The following NOS1 variants were observed in gnomAD, a reference collection of about 807,000 sequenced individuals.
NOS1 encodes the protein nitric oxide synthase 1.
Under a neutral mutation model 164.5 loss-of-function variants are expected in NOS1, and 51 were observed. The observed-to-expected ratio is 0.31, with a 90% CI of 0.25 to 0.39. The LOEUF (loss-of-function observed/expected upper bound fraction) is 0.39, where lower values mean the gene tolerates loss of function less well. Among genes scored for constraint, NOS1 ranks in the 10% least tolerant of loss-of-function variants. The probability of loss-of-function intolerance (pLI) is 1.00; values close to 1 mark genes in which losing one functional copy is unlikely to be tolerated. For missense variants in NOS1, 1,362 were observed against 1,885.6 expected, an observed-to-expected ratio of 0.72 and a Z score of 5.14; for synonymous variants, 719 against 745.8, an observed-to-expected ratio of 0.96 and a Z score of 0.59.
rs754560223 is a variant in NOS1, at chr12:117,260,466, T to G, written c.2366A>C (p.Lys789Thr). The change falls in exon 14 of 29, where the codon AAG becomes ACG. Residue 789 changes from lysine (K) to threonine (T), a missense_variant and splice_region_variant. Lys to Thr is a moderately conservative substitution (Grantham distance 78). Transcript: ENST00000317775. ...CEIFKHAFDA[K>T]VMSMEEYDIV... ...GAGCTAGGGCTACCCCCCACCTACC[T>G]TGGCATCAAAGGCGTGTTTGAAGAT... The G allele has an allele frequency of 2.5e-6, 4 of 1,613,492 alleles. No homozygotes were observed. Among genetic ancestry groups the G allele is most frequent in the Non-Finnish European group, 8.5e-7 (1 of 1,179,470 alleles).
At position 117,212,132 on chromosome 12, in the gene NOS1, C is replaced by T. The variant is rs1308494133; in HGVS notation, c.*3177G>A. The T allele has an allele frequency of 5.1e-6, 5 of 985,284 alleles. No individual in the cohort carries two copies. Among genetic ancestry groups the T allele is most frequent in the South Asian group, 4.7e-5 (1 of 21,282 alleles). The allele number at this position is 985,284 out of a possible 1,614,324, so 61.0% of individuals were successfully genotyped here. The stretch of plus-strand genomic sequence containing the variant: ...GTTTTGCTTATCTCTGCAAACTGCC[C>T]GGTGCCTTCCACACACTGGAGAAGC... On this transcript the variant is annotated 3_prime_UTR_variant, in exon 29 of 29. Coordinates refer to ENST00000317775, the MANE Select transcript of NOS1 (RefSeq NM_000620.5).
intron 26 of NOS1, among the ~76,000 whole-genome samples, chr12:117,221,592 T>C (rs1271796648): frequency 6.6e-6 from 1 of 151,464 alleles, no homozygotes; most frequent in Non-Finnish European, 1.5e-5. Flanking sequence ...CCTAAATTTG[T>C]TTTTTTTAAT....
intron 1 of NOS1, among the ~76,000 whole-genome samples, chr12:117,354,875 C>T (rs1593046307): frequency 6.6e-6 from 1 of 152,160 alleles, no homozygotes; most frequent in Non-Finnish European, 1.5e-5. Context: ...ACTTCACTCT[C>T]GTTTATGACA....
At position 117,290,304 on chromosome 12, in the gene NOS1, G is replaced by T. The variant is rs368132541; in HGVS notation, c.975C>A (p.Ser325Arg). The T allele has an allele frequency of 2.5e-6, 4 of 1,613,948 alleles. No homozygotes were observed. The African/African-American group carries it at 5.3e-5, about 22-fold the overall frequency. The part of the protein sequence containing the change: ...VVLTDTLHLK[S>R]TLETGCTEYI... ...ACCCTGCTGGGATACTTACCAATGT[G>T]CTCTTAAGGTGGAGGGTGTCAGTGA... Residue 325 changes from serine to arginine, a missense_variant, in exon 4 of 29, where the codon AGC becomes AGA. Physicochemically the swap from Ser to Arg is moderately radical, Grantham distance 110. Coordinates refer to ENST00000317775, the MANE Select transcript of NOS1 (RefSeq NM_000620.5).
In NOS1 at chr12:117,272,549, A is replaced by G. The variant is rs1485623498; in HGVS notation, c.1675T>C (p.Phe559Leu). 6.2e-7 allele frequency: 1 copy of G among 1,613,686 alleles called. No homozygotes were observed. Among genetic ancestry groups the G allele is most frequent in the South Asian group, 1.1e-5 (1 of 91,038 alleles). Reference sequence around the variant, plus strand: ...TACCACTTCAGCCCCAGGTCCTTGAACCACTCAAACCTGCAGGGAGCAACA... The same window carrying G: ...TACCACTTCAGCCCCAGGTCCTTGAGCCACTCAAACCTGCAGGGAGCAACA... ...VPIRHPKFEW[F>L]KDLGLKWYGL... Residue 559 changes from phenylalanine (F) to leucine (L), a missense_variant, in exon 10 of 29, where the codon TTC becomes CTC. Around this residue, in one of 4 missense-constraint regions of NOS1, gnomAD observed 134 missense variants for 267.3 expected, o/e 0.50. Transcript: ENST00000317775. This position sits in a 1 kb window ranked among gnomAD's most constrained non-coding sequence, Gnocchi z 4.3.
chr12:117,301,344 G>A (rs994279905), intron 3 of NOS1, among the ~76,000 whole-genome samples: 4 of 152,122 alleles, frequency 2.6e-5, no homozygotes, highest in Non-Finnish European at 5.9e-5. Context: ...GGCCAGGCTG[G>A]TCTCAAATTC....
chr12:117,277,887 G>A, intron 9 of NOS1, 72 bp downstream of exon 9: 1 of 1,499,330 alleles, frequency 6.7e-7, no homozygotes, highest in Admixed American at 2.0e-5. Flanking sequence ...AGCCAGGGGG[G>A]ATGGGGCTGG....
chr12:117,339,017 C>T (rs1409878627), intron 1 of NOS1, among the ~76,000 whole-genome samples: 2 of 152,154 alleles, frequency 1.3e-5, no homozygotes, highest in African/African-American at 4.8e-5. Context: ...AACCCAACTG[C>T]GCTCTTTTAA....
intron 28 of NOS1, among the ~76,000 whole-genome samples, chr12:117,216,896 T>C (rs1042295215): frequency 6.6e-6 from 1 of 152,098 alleles, no homozygotes; most frequent in Non-Finnish European, 1.5e-5. Flanking sequence ...ACAAAGAAGA[T>C]GCCAAATTCA....
chr12:117,306,143 T>C (rs541958930), intron 3 of NOS1, among the ~76,000 whole-genome samples: 121 of 152,202 alleles, frequency 7.9e-4, no homozygotes, highest in African/African-American at 2.8e-3. Context: ...AAGGATTTGA[T>C]GGTGGGCAAA....
At chr12:117,351,996 C>G (rs780143383) in intron 1 of NOS1, among the ~76,000 whole-genome samples, 4 of 152,090 alleles carry the variant, frequency 2.6e-5, no homozygotes, top group Non-Finnish European at 5.9e-5. Flanking sequence ...CCTTGGGCAA[C>G]ATGGTGAGAC....
chr12:117,231,093 C>T (rs558107029), intron 22 of NOS1, among the ~76,000 whole-genome samples: 55 of 151,940 alleles, frequency 3.6e-4, no homozygotes, highest in African/African-American at 1.2e-3. Flanking sequence ...TTTGGGAGGC[C>T]GAGGTGGGTG....
intron 17 of NOS1, among the ~76,000 whole-genome samples, chr12:117,249,814 C>G (rs1348796390): frequency 6.6e-6 from 1 of 152,112 alleles, no homozygotes; most frequent in African/African-American, 2.4e-5. Flanking sequence ...TCCTGTAGGG[C>G]TGGTACACAG....
rs527472588 is a variant in NOS1 at position 117,279,234 on chromosome 12, G to A, written c.1525-1136C>T. Among the ~76,000 whole-genome samples the A allele has an allele frequency of 9.9e-5, 15 of 151,958 alleles. No homozygotes were observed. In the East Asian group the frequency reaches 1.7e-3, roughly 18 times the overall value. On this transcript the variant is annotated intron_variant, in intron 8 of 28. Coordinates refer to ENST00000317775, the MANE Select transcript of NOS1 (RefSeq NM_000620.5). ...TCTACTAAAATACAAAAAATTAGCCGGGCGTGGTGGTGCGCATCTGTAGTC... is the reference window on the plus strand; with the variant it reads ...TCTACTAAAATACAAAAAATTAGCCAGGCGTGGTGGTGCGCATCTGTAGTC...
At chr12:117,288,905 T>C (rs1313629015) in intron 4 of NOS1, among the ~76,000 whole-genome samples, 2 of 152,148 alleles carry the variant, frequency 1.3e-5, no homozygotes, top group African/African-American at 2.4e-5. Flanking sequence ...ACCCTGACCT[T>C]AGCTGACCCC....
rs2136025756 is a variant in NOS1 at position 117,290,421 on chromosome 12, G to A, written c.858C>T (p.Pro286=). ...NNPYSEKEQP[P]TSGKQSPTKN... ...TTGTGGGGGACTGTTTTCCTGAGGT[G>A]GGGGGCTGCAGGAGAGAATGAAGGT... Residue 286 remains proline, a synonymous_variant, in exon 4 of 29, where the codon CCC becomes CCT. Transcript: ENST00000317775. 6.2e-7 allele frequency: 1 copy of A among 1,611,710 alleles called. No individual in the cohort carries two copies. The highest frequency in any genetic ancestry group is 8.5e-7 in the Non-Finnish European group (1 of 1,178,824).
At chr12:117,290,592 G>T (rs1434727721) in intron 3 of NOS1, among the ~76,000 whole-genome samples, 166 bp from the exon 4 acceptor site, 2 of 151,946 alleles carry the variant, frequency 1.3e-5, no homozygotes, top group African/African-American at 4.8e-5. Flanking sequence ...CATGTACAAG[G>T]TTCCTGGGAA....
intron 5 of NOS1, 42 bp downstream of exon 5, chr12:117,288,032 C>T (rs749276798): frequency 1.4e-5 from 22 of 1,610,314 alleles, no homozygotes; most frequent in Non-Finnish European, 1.8e-5. Context: ...CTCCAGCATT[C>T]GATAACTTAC....
At chr12:117,222,057 T>TA (rs1956715660) in intron 26 of NOS1, among the ~76,000 whole-genome samples, 2 of 152,082 alleles carry the variant, frequency 1.3e-5, no homozygotes. Context: ...TTCTCAGTGT[T>TA]ACGGGATCAT....
Sources: gnomAD v4.1 joint callset for allele counts (sites outside exome capture counted in the v4.1 genomes callset) on GRCh38, gnomAD v4.1.1 for gene constraint, gnomAD v4.1.1 regional missense constraint, Gnocchi (gnomAD v3.1) non-coding constraint, MANE v1.5 for transcripts, NCBI Gene and HGNC (gene_info 2026-07-23, HGNC 2026-07-21) for gene names.